The following BNIP2 variants were observed in gnomAD, a reference collection of about 807,000 sequenced individuals.
BNIP2 encodes BCL2/adenovirus E1B 19 kDa protein-interacting protein 2.
Under a neutral mutation model 43.4 loss-of-function variants are expected in BNIP2, and 36 were observed. The ratio of observed to expected loss-of-function variants is 0.83; its 90% CI spans 0.64 to 1.10. BNIP2 has a LOEUF of 1.10. Among genes scored for constraint, BNIP2 ranks in the 50% least tolerant of loss-of-function variants. BNIP2 has a pLI of 0.00. For missense variants in BNIP2, 417 were observed against 374.1 expected, an observed-to-expected ratio of 1.11 and a Z score of -0.95; for synonymous variants, 146 against 121.0, an observed-to-expected ratio of 1.21 and a Z score of -1.35.
chr15:59,675,716 A>AC (rs1175500538), intron 5 of BNIP2, among the ~76,000 whole-genome samples: 1 of 152,224 alleles, frequency 6.6e-6, no homozygotes, highest in East Asian at 1.9e-4. Flanking sequence ...GAAACAACTC[A>AC]CATGCACATA....
At position 59,677,910 on chromosome 15, in the gene BNIP2, C is replaced by T. The variant is rs746509339; in HGVS notation, c.472+1G>A. 6.3e-7 allele frequency: 1 copy of T among 1,599,182 alleles called. No homozygotes were observed. The highest frequency in any genetic ancestry group is 8.5e-7 in the Non-Finnish European group (1 of 1,175,518). On this transcript the variant is annotated splice_donor_variant, in intron 5 of 9. Transcript: ENST00000607373. LOFTEE classifies it high-confidence loss of function. Reference sequence around the variant, plus strand: ...TCTGAAAAATCCTCAGTAACTCTTACCCCCATGGCTGATAACTTTTTTATA... The same window carrying T: ...TCTGAAAAATCCTCAGTAACTCTTATCCCCATGGCTGATAACTTTTTTATA...
chr15:59,688,681 C>T, intron 1 of BNIP2: 1 of 1,531,020 alleles, frequency 6.5e-7, no homozygotes, highest in Non-Finnish European at 8.8e-7. Flanking sequence ...TATTAAAGCC[C>T]TGATTACTTA....
At position 59,671,207 on chromosome 15, in the gene BNIP2, T is replaced by G. The variant is rs1892883436; in HGVS notation, c.683A>C (p.Lys228Thr). The change falls in exon 7 of 10, where the codon AAA (lysine) becomes ACA (threonine). Residue 228 changes from lysine (K) to threonine (T), a missense_variant. By Grantham distance (78) the Lys-to-Thr change is moderately conservative. Transcript: ENST00000607373. Reference sequence around the variant, plus strand: ...CCTTCTATCAATTTGCTGATAACATTTCCTGAGCCATCCCAGACTGGGCAT... The same window carrying G: ...CCTTCTATCAATTTGCTGATAACATGTCCTGAGCCATCCCAGACTGGGCAT... ...RKMPSLGWLR[K>T]CYQQIDRRLR... 10 of 1,600,742 alleles carry G rather than the reference T, an allele frequency of 6.2e-6. No homozygotes were observed. Among genetic ancestry groups the G allele is most frequent in the Non-Finnish European group, 6.0e-6 (7 of 1,172,634 alleles).
chr15:59,669,748 T>C (rs1056789445), intron 7 of BNIP2, among the ~76,000 whole-genome samples: 1 of 152,214 alleles, frequency 6.6e-6, no homozygotes, highest in African/African-American at 2.4e-5. Context: ...AAAAGCACTG[T>C]GCAGGCAGAG....
Position 59,662,181 on chromosome 15 carries a change from A to C in BNIP2, c.*1888T>G, listed in dbSNP as rs1892313781. The C allele has an allele frequency of 6.6e-6, 1 of 152,232 alleles. No homozygotes were observed. The highest frequency in any genetic ancestry group is 2.4e-5 in the African/African-American group (1 of 41,456). 9.4% of individuals were successfully genotyped at this position (152,232 alleles called of 1,614,324 possible). A position where few individuals can be genotyped will look rare whatever the true frequency, so the allele number is the denominator to read the frequency against. ...ATGTGGTAGAAAACCACCTATTAAA[A>C]ACCTCAGCCCATTTTGAGCAAGATA... On this transcript the variant is annotated 3_prime_UTR_variant, in exon 10 of 10. Transcript: ENST00000607373.
chr15:59,684,876 CA>C (rs2142020898), intron 1 of BNIP2, among the ~76,000 whole-genome samples: 1 of 152,250 alleles, frequency 6.6e-6, no homozygotes, highest in Admixed American at 6.5e-5. Context: ...AATATATTCC[CA>C]ACACCTACCA....
rs140062121 is a variant in BNIP2, at chr15:59,664,441, G to T, written c.894-321C>A. Among the ~76,000 whole-genome samples, 306 of 152,176 alleles carry T rather than the reference G, an allele frequency of 2.0e-3. 1 individual carries two copies. Among genetic ancestry groups the T allele is most frequent in the African/African-American group, 7.1e-3 (295 of 41,510 alleles). The stretch of plus-strand genomic sequence containing the variant: ...CTGTCACCCAGGCTGGAGTGCAGTG[G>T]CACAATCTCAGCTCGCTGCAATCTC... On this transcript the variant is annotated intron_variant, in intron 9 of 9. Transcript: ENST00000607373.
At chr15:59,674,090 C>CAAAAAAAAAAA (rs754263928) in intron 5 of BNIP2, among the ~76,000 whole-genome samples, 37 of 91,360 alleles carry the variant, frequency 4.0e-4, no homozygotes, top group Non-Finnish European at 5.2e-4. Context: ...ACTTGGGTCT[C>CAAAAAAAAAAA]AAAAAAAAAA....
Position 59,660,514 on chromosome 15 carries a change from G to C in BNIP2, c.*3555C>G, listed in dbSNP as rs2141977384. ...ATGTCCTAATGCTAATTTATCACTT[G>C]AAGAAATATAAAAAGCCACTTCTGT... On this transcript the variant is annotated 3_prime_UTR_variant, in exon 10 of 10. Transcript: ENST00000607373. The C allele has an allele frequency of 6.6e-6, 1 of 152,236 alleles. No individual in the cohort carries two copies. Among genetic ancestry groups the C allele is most frequent in the Middle Eastern group, 3.4e-3 (1 of 294 alleles). The allele number at this position is 152,236 out of a possible 1,614,324, so 9.4% of individuals were successfully genotyped here.
In BNIP2 at chr15:59,669,347, T is replaced by C. The variant is rs764608819; in HGVS notation, c.723A>G (p.Leu241=). 4.6e-6 allele frequency: 7 copies of C among 1,526,566 alleles called. No individual in the cohort carries two copies. In the East Asian group the frequency reaches 1.7e-4, roughly 36 times the overall value. The allele number at this position is 1,526,566 out of a possible 1,614,324, so 94.6% of individuals were successfully genotyped here. Reference sequence around the variant, plus strand: ...AAGGATGTACAATGATTAGGGATTTTAGATTTTTCCGTAACCTGGAGTTTA... The same window carrying C: ...AAGGATGTACAATGATTAGGGATTTCAGATTTTTCCGTAACCTGGAGTTTA... ...QQIDRRLRKN[L]KSLIIVHPSW... Residue 241 remains leucine (L), a synonymous_variant, in exon 8 of 10, where the codon CTA becomes CTG. Transcript: ENST00000607373.
intron 5 of BNIP2, among the ~76,000 whole-genome samples, chr15:59,676,287 C>A (rs6151528): frequency 0.33 from 49,935 of 152,014 alleles, 8,529 homozygotes; most frequent in East Asian, 0.54. Flanking sequence ...TCTCCTCCCA[C>A]CCCAGCCTCC....
At chr15:59,666,141 A>T (rs1892554422) in intron 9 of BNIP2, among the ~76,000 whole-genome samples, 1 of 152,134 alleles carries the variant, frequency 6.6e-6, no homozygotes, top group Non-Finnish European at 1.5e-5. Context: ...CATTTTAAAC[A>T]TTTAAACTGC....
chr15:59,674,800 T>C (rs956183953), intron 5 of BNIP2, among the ~76,000 whole-genome samples: 5 of 152,220 alleles, frequency 3.3e-5, no homozygotes, highest in Admixed American at 6.5e-5. Context: ...TTAACTTCTA[T>C]ATATGGTACT....
intron 1 of BNIP2, among the ~76,000 whole-genome samples, chr15:59,688,307 A>G (rs750040796): frequency 6.6e-6 from 1 of 152,232 alleles, no homozygotes; most frequent in Admixed American, 6.5e-5. Flanking sequence ...AATTGCAGAG[A>G]TTCCTATAAA....
chr15:59,667,984 A>C, intron 9 of BNIP2: 1 of 570,478 alleles, frequency 1.8e-6, no homozygotes, highest in South Asian at 2.1e-5. Flanking sequence ...AAGTTGGGGT[A>C]CATTTATATT....
At chr15:59,688,747 C>G in intron 1 of BNIP2, 2 of 1,535,704 alleles carry the variant, frequency 1.3e-6, no homozygotes, top group Non-Finnish European at 1.7e-6. Flanking sequence ...GTCCAAGTTT[C>G]TTTGTTCTGT....
chr15:59,665,740 C>G (rs1892531399), intron 9 of BNIP2, among the ~76,000 whole-genome samples: 1 of 152,160 alleles, frequency 6.6e-6, no homozygotes, highest in East Asian at 1.9e-4. Flanking sequence ...TACAGACAAC[C>G]CTTCAAAGCT....
At chr15:59,685,372 C>T (rs1893945874) in intron 1 of BNIP2, among the ~76,000 whole-genome samples, 1 of 152,036 alleles carries the variant, frequency 6.6e-6, no homozygotes, top group South Asian at 2.1e-4. Context: ...GTGGTGGCGC[C>T]TGCCTGTAAT....
At chr15:59,680,154 GT>G (rs373856422) in intron 3 of BNIP2, 86 bp downstream of exon 3, 43,249 of 799,440 alleles carry the variant, frequency 0.054, 152 homozygotes, top group African/African-American at 0.11. Flanking sequence ...AAAAACTCAA[GT>G]TTTTTTTTTT....
Sources: gnomAD v4.1 joint callset for allele counts (sites outside exome capture counted in the v4.1 genomes callset) on GRCh38, gnomAD v4.1.1 for gene constraint, MANE v1.5 for transcripts, NCBI Gene and HGNC (gene_info 2026-07-23, HGNC 2026-07-21) for gene names.